LEPR: variants seen among roughly 807,000 people sequenced by gnomAD.
LEPR encodes the protein OB receptor.
In LEPR, 56 loss-of-function variants were observed where a neutral mutation model predicts 114.7. That is an observed-to-expected ratio of 0.49 (90% CI 0.39 to 0.61). The LOEUF is 0.61. Ranked by LOEUF, LEPR falls within the 20% of genes least tolerant of loss-of-function variation. The probability of loss-of-function intolerance (pLI) is 0.00; values close to 1 mark genes in which losing one functional copy is unlikely to be tolerated. For missense variants in LEPR, 1,202 were observed against 1,352.9 expected (o/e 0.89, Z 1.75); for synonymous variants, 443 against 461.4 (o/e 0.96, Z 0.51).
chr1:65,433,542 T>C, intron 2 of LEPR: 1 of 985,444 alleles, frequency 1.0e-6, no homozygotes, highest in Non-Finnish European at 1.2e-6. Flanking sequence ...TCCTTGAGGC[T>C]TGTGATCTGA....
At chr1:65,591,322 A>C (rs1345198022) in intron 5 of LEPR, among the ~76,000 whole-genome samples, 1 of 152,092 alleles carries the variant, frequency 6.6e-6, no homozygotes, top group Non-Finnish European at 1.5e-5. Flanking sequence ...TGAAATGTCT[A>C]TTAGGTCAAG....
Position 65,482,282 on chromosome 1 carries a change from T to G in LEPR, c.-21+56904T>G, listed in dbSNP as rs1392887851. 2.0e-5 allele frequency among the ~76,000 whole-genome samples: 3 copies of G among 152,148 alleles called. No homozygotes were observed. The South Asian group carries it at 6.2e-4, about 31-fold the overall frequency. On this transcript the variant is annotated intron_variant, in intron 2 of 19. Transcript: ENST00000349533. ...AGACAAAATATTTTGAGATGCTGTA[T>G]CTACTCAAATGGAACAATATATTCA...
At chr1:65,615,468 T>C (rs1403516993) in intron 14 of LEPR, among the ~76,000 whole-genome samples, 1 of 152,174 alleles carries the variant, frequency 6.6e-6, no homozygotes, top group Non-Finnish European at 1.5e-5. Context: ...CTGTTACTCA[T>C]TAACCTTTGC....
chr1:65,600,029 A>T (rs950804001), intron 8 of LEPR, among the ~76,000 whole-genome samples: 1 of 152,098 alleles, frequency 6.6e-6, no homozygotes, highest in African/African-American at 2.4e-5. Flanking sequence ...GCCTTACTAT[A>T]TGTATTTGAT....
In LEPR at chr1:65,637,077, A is replaced by ATG; in HGVS notation, c.*62_*63insTG. The ATG allele has an allele frequency of 8.0e-7, 1 of 1,248,010 alleles. No individual in the cohort carries two copies. The highest frequency in any genetic ancestry group is 1.1e-6 in the Non-Finnish European group (1 of 920,278). 77.3% of individuals were successfully genotyped at this position (1,248,010 alleles called of 1,614,324 possible). A position where few individuals can be genotyped will look rare whatever the true frequency, so the allele number is the denominator to read the frequency against. ...GGTAATATAAAGTGTAATAGATTAT[A>ATG]GTTGTGGGTGGGAGAGAGAAAAGAA... On this transcript the variant is annotated 3_prime_UTR_variant, in exon 20 of 20. Coordinates refer to ENST00000349533, the MANE Select transcript of LEPR (RefSeq NM_002303.6).
chr1:65,568,308 T>C (rs1368978223), intron 3 of LEPR, among the ~76,000 whole-genome samples: 2 of 152,180 alleles, frequency 1.3e-5, no homozygotes, highest in African/African-American at 4.8e-5. Context: ...TACATGGATA[T>C]GTTGCGTAGT....
chr1:65,507,626 T>G (rs984082013), intron 2 of LEPR, among the ~76,000 whole-genome samples: 5 of 151,666 alleles, frequency 3.3e-5, no homozygotes, highest in African/African-American at 1.2e-4. Context: ...TCTTGGCTAC[T>G]GTGAATAATG....
At chr1:65,490,767 C>T (rs1020266544) in intron 2 of LEPR, among the ~76,000 whole-genome samples, 2 of 152,138 alleles carry the variant, frequency 1.3e-5, no homozygotes, top group Non-Finnish European at 2.9e-5. Context: ...TCTTGTTAGC[C>T]AGCGGCTAGG....
At chr1:65,434,077 T>C in intron 2 of LEPR, 1 of 985,396 alleles carries the variant, frequency 1.0e-6, no homozygotes, top group Non-Finnish European at 1.2e-6. Context: ...AGCCTTCATA[T>C]GTAGCCTTAA....
intron 5 of LEPR, among the ~76,000 whole-genome samples, chr1:65,578,804 C>G (rs994625705): frequency 2.6e-5 from 4 of 152,150 alleles, no homozygotes; most frequent in African/African-American, 9.7e-5. Flanking sequence ...CACACACACA[C>G]AAGCATACTG....
chr1:65,452,951 T>A (rs1646808257), intron 2 of LEPR, among the ~76,000 whole-genome samples: 1 of 152,244 alleles, frequency 6.6e-6, no homozygotes, highest in Non-Finnish European at 1.5e-5. Context: ...TTGCCACAAT[T>A]TCAGATCCTG....
At chr1:65,426,867 A>T (rs528974560) in intron 2 of LEPR, among the ~76,000 whole-genome samples, 1 of 152,072 alleles carries the variant, frequency 6.6e-6, no homozygotes, top group Non-Finnish European at 1.5e-5. Context: ...GCGTGGTGGC[A>T]CACGCCTGTA....
chr1:65,604,706 G>A (rs944309660), intron 10 of LEPR, among the ~76,000 whole-genome samples: 3 of 152,206 alleles, frequency 2.0e-5, no homozygotes, highest in South Asian at 2.1e-4. Flanking sequence ...GCCACAAAGC[G>A]GGAGGTGAGA....
chr1:65,566,241 C>A (rs1161982247), intron 3 of LEPR, among the ~76,000 whole-genome samples: 2 of 137,992 alleles, frequency 1.4e-5, no homozygotes. Flanking sequence ...TCTTGCTCTG[C>A]CGCCAGACTG....
At chr1:65,512,499 C>T (rs1253083897) in intron 2 of LEPR, among the ~76,000 whole-genome samples, 1 of 152,182 alleles carries the variant, frequency 6.6e-6, no homozygotes, top group African/African-American at 2.4e-5. Flanking sequence ...GTTGCTGCGC[C>T]TTCACCCAGG....
chr1:65,449,080 G>C (rs532696842), intron 2 of LEPR, among the ~76,000 whole-genome samples: 1 of 152,214 alleles, frequency 6.6e-6, no homozygotes, highest in South Asian at 2.1e-4. Flanking sequence ...TTTTAGTAGA[G>C]CTAGGGTTTC....
intron 7 of LEPR, among the ~76,000 whole-genome samples, chr1:65,596,841 G>T (rs1449888801): frequency 1.3e-5 from 2 of 151,970 alleles, no homozygotes; most frequent in Non-Finnish European, 2.9e-5. Context: ...ACAGACCACT[G>T]ATTTCATCTT....
intron 6 of LEPR, among the ~76,000 whole-genome samples, chr1:65,595,927 G>A (rs1025112225): frequency 9.2e-5 from 14 of 152,202 alleles, no homozygotes; most frequent in Non-Finnish European, 1.9e-4. Context: ...TGCTGATGCT[G>A]CATTTATTGC....
intron 2 of LEPR, among the ~76,000 whole-genome samples, chr1:65,465,499 C>A (rs1160284472): frequency 3.3e-5 from 5 of 152,104 alleles, no homozygotes; most frequent in African/African-American, 9.7e-5. Flanking sequence ...AATGTATATT[C>A]TGTTGATTTG....
Sources: allele counts gnomAD v4.1 joint callset (sites outside exome capture counted in the v4.1 genomes callset), GRCh38; gene constraint gnomAD v4.1.1; transcripts MANE v1.5; gene names NCBI Gene and HGNC (gene_info 2026-07-23, HGNC 2026-07-21).